TMEM232: variants seen among roughly 807,000 people sequenced by gnomAD.
TMEM232 encodes the protein transmembrane protein 232.
In TMEM232, 80 loss-of-function variants were observed where a neutral mutation model predicts 78.8. The observed-to-expected ratio is 1.01, with a 90% CI of 0.85 to 1.22. The LOEUF is 1.22. Among genes scored for constraint, TMEM232 ranks in the 50% most tolerant of loss-of-function variants. The pLI, the probability that TMEM232 is intolerant of heterozygous loss-of-function variation, is 0.00. For missense variants in TMEM232, 881 were observed against 742.2 expected (o/e 1.19, Z -2.17); for synonymous variants, 297 against 254.3 (o/e 1.17, Z -1.60).
At position 110,638,265 on chromosome 5, in the gene TMEM232, A is replaced by G; in HGVS notation, c.434T>C (p.Leu145Ser). 6.4e-7 allele frequency: 1 copy of G among 1,551,138 alleles called. No individual in the cohort carries two copies. Among genetic ancestry groups the G allele is most frequent in the African/African-American group, 1.4e-5 (1 of 73,140 alleles). Reference sequence around the variant, plus strand: ...GGATGCATCACAACACAGTCTGTATAAAACCGATTCCGCAACAAAAAATAA... The same window carrying G: ...GGATGCATCACAACACAGTCTGTATGAAACCGATTCCGCAACAAAAAATAA... ...PALFFVAESV[L>S]YRLCCDASLK... Residue 145 changes from leucine to serine, a missense_variant, in exon 5 of 14, where the codon TTA (leucine) becomes TCA (serine). By Grantham distance (145) the Leu-to-Ser change is moderately radical (BLOSUM62 -2). Transcript: ENST00000455884.
rs141680299 is a variant in TMEM232, at chr5:110,665,775, C to T, written c.125+1453G>A. Among the ~76,000 whole-genome samples the T allele has an allele frequency of 4.4e-3, 664 of 151,778 alleles. 7 individuals are homozygous for T. Among genetic ancestry groups the T allele is most frequent in the Middle Eastern group, 6.8e-3 (2 of 294 alleles). ...TACATGAGCATATTTTAAAACTGAG[C>T]CAGGCACAGTGGCTCATGCCTGTAA... On this transcript the variant is annotated intron_variant, in intron 2 of 13. Transcript: ENST00000455884.
chr5:110,598,762 C>CA (rs1404142529), intron 10 of TMEM232, among the ~76,000 whole-genome samples: 1 of 146,510 alleles, frequency 6.8e-6, no homozygotes, highest in Non-Finnish European at 1.5e-5. Flanking sequence ...ATCGCAAGGA[C>CA]AAAAAACCAA....
intron 10 of TMEM232, among the ~76,000 whole-genome samples, chr5:110,575,553 G>A (rs1434930357): frequency 6.6e-6 from 1 of 152,030 alleles, no homozygotes; most frequent in East Asian, 1.9e-4. Flanking sequence ...TAAGGTGTGT[G>A]GCTCTTGTGG....
chr5:110,645,010 C>A (rs191486095), intron 2 of TMEM232, among the ~76,000 whole-genome samples: 1 of 151,426 alleles, frequency 6.6e-6, no homozygotes, highest in East Asian at 1.9e-4. Context: ...TAGAAATTTA[C>A]AAGCTACCAA....
chr5:110,713,667 T>G (rs1218291233), intron 1 of TMEM232, among the ~76,000 whole-genome samples: 1 of 152,034 alleles, frequency 6.6e-6, no homozygotes, highest in Non-Finnish European at 1.5e-5. Flanking sequence ...TAACAAAAAC[T>G]TGGCCTATAA....
chr5:110,493,355 A>G (rs1234093885), intron 12 of TMEM232, among the ~76,000 whole-genome samples: 1 of 151,398 alleles, frequency 6.6e-6, no homozygotes, highest in African/African-American at 2.4e-5. Flanking sequence ...TGTACAGAAG[A>G]TTACACGGGT....
Position 110,546,391 on chromosome 5 carries a change from T to A in TMEM232, c.1456-17556A>T, listed in dbSNP as rs186387531. ...TTGTTTATCATATAAATTGCATATT[T>A]ATTTTAAAGCATAAAAAGAGAAAAT... On this transcript the variant is annotated intron_variant, in intron 11 of 13. Coordinates refer to ENST00000455884, the MANE Select transcript of TMEM232 (RefSeq NM_001039763.4). 1.3e-4 allele frequency among the ~76,000 whole-genome samples: 20 copies of A among 152,242 alleles called. No homozygotes were observed. In the East Asian group the frequency reaches 3.3e-3, roughly 25 times the overall value.
intron 11 of TMEM232, among the ~76,000 whole-genome samples, chr5:110,563,964 C>T (rs1462713141): frequency 6.6e-6 from 1 of 151,778 alleles, no homozygotes; most frequent in Non-Finnish European, 1.5e-5. Context: ...ATTGTTATTC[C>T]AAATTGTACT....
rs376876433 is a variant in TMEM232, at chr5:110,629,881, T to C, written c.502-2001A>G. 1.4e-4 allele frequency among the ~76,000 whole-genome samples: 22 copies of C among 152,264 alleles called. No individual in the cohort carries two copies. In the East Asian group the frequency reaches 1.5e-3, roughly 11 times the overall value. ...AGAATATTGTACACTTAGAGCTAGA[T>C]TGAAAGGAAAGAATGTAAACAAAAT... is the stretch of plus-strand genomic sequence containing the variant. On this transcript the variant is annotated intron_variant, in intron 5 of 13. Coordinates refer to ENST00000455884, the MANE Select transcript of TMEM232 (RefSeq NM_001039763.4).
At position 110,406,308 on chromosome 5, in the gene TMEM232, A is replaced by ATG. The variant is rs1561459022; in HGVS notation, n.309-8456_309-8455dup. ...CACACACACACACACACACACACAT[A>ATG]TGTGTCTATATATAATATTTTCTGT... On this transcript the variant is annotated intron_variant and non_coding_transcript_variant, in intron 2 of 8. Transcript: ENST00000507188. Among the ~76,000 whole-genome samples the ATG allele has an allele frequency of 9.9e-5, 15 of 150,756 alleles. No homozygotes were observed. The South Asian group carries it at 1.7e-3, about 17-fold the overall frequency.
At chr5:110,506,204 AT>A in intron 12 of TMEM232, among the ~76,000 whole-genome samples, 1 of 151,864 alleles carries the variant, frequency 6.6e-6, no homozygotes, top group South Asian at 2.1e-4. Flanking sequence ...AAACTGACCT[AT>A]TTTTTTCCAC....
At chr5:110,445,091 T>C (rs1248011086) in intron 12 of TMEM232, among the ~76,000 whole-genome samples, 3 of 151,996 alleles carry the variant, frequency 2.0e-5, no homozygotes, top group African/African-American at 7.2e-5. Context: ...TTTTCATTTA[T>C]TTCTTAGAAA....
intron 2 of TMEM232, among the ~76,000 whole-genome samples, chr5:110,650,881 T>A (rs933923710): frequency 1.3e-5 from 2 of 152,152 alleles, no homozygotes; most frequent in African/African-American, 4.8e-5. Context: ...ATGTAGGATG[T>A]TAGCAATAGG....
chr5:110,735,280 T>C (rs541925880), intron 1 of TMEM232, among the ~76,000 whole-genome samples: 198 of 152,336 alleles, frequency 1.3e-3, no homozygotes, highest in African/African-American at 4.6e-3. Context: ...TTGAAAACTG[T>C]TGAAACAATC....
At chr5:110,710,398 G>A (rs72773173) in intron 1 of TMEM232, among the ~76,000 whole-genome samples, 12,942 of 151,998 alleles carry the variant, frequency 0.085, 572 homozygotes, top group Admixed American at 0.12. Flanking sequence ...CATTCTATGA[G>A]GCCAGTATTA....
intron 1 of TMEM232, among the ~76,000 whole-genome samples, chr5:110,673,015 G>A (rs1376125416): frequency 6.6e-6 from 1 of 152,090 alleles, no homozygotes; most frequent in Non-Finnish European, 1.5e-5. Context: ...CATGTTTATT[G>A]CGGCACTATT....
At chr5:110,598,996 A>G (rs1431418705) in intron 10 of TMEM232, among the ~76,000 whole-genome samples, 1 of 151,838 alleles carries the variant, frequency 6.6e-6, no homozygotes, top group Non-Finnish European at 1.5e-5. Context: ...ATGTACCCTA[A>G]AACTTAAAGT....
At chr5:110,700,774 A>G (rs10076366) in intron 1 of TMEM232, among the ~76,000 whole-genome samples, 16 of 124,200 alleles carry the variant, frequency 1.3e-4, no homozygotes, top group South Asian at 8.4e-4. Flanking sequence ...AGGTAGGTAG[A>G]TAGATAGATA....
intron 5 of TMEM232, 98 bp from the exon 6 acceptor site, chr5:110,627,978 T>G (rs984763507): frequency 4.6e-6 from 4 of 863,888 alleles, no homozygotes; most frequent in Non-Finnish European, 7.1e-6. Context: ...CATTTTCTTT[T>G]GAGAAAACAA....
Sources: gnomAD v4.1 joint callset for allele counts (sites outside exome capture counted in the v4.1 genomes callset) on GRCh38, gnomAD v4.1.1 for gene constraint, MANE v1.5 for transcripts, NCBI Gene and HGNC (gene_info 2026-07-23, HGNC 2026-07-21) for gene names.